Variants in KDM4C observed in about 807,000 individuals in gnomAD.
The protein encoded by KDM4C is lysine-specific demethylase 4C.
Under a neutral mutation model 129.3 loss-of-function variants are expected in KDM4C, and 81 were observed. The observed-to-expected ratio is 0.63, with a 90% CI of 0.52 to 0.75. The LOEUF (loss-of-function observed/expected upper bound fraction) is 0.75, where lower values mean the gene tolerates loss of function less well. Among genes scored for constraint, KDM4C ranks in the 30% least tolerant of loss-of-function variants. The probability of loss-of-function intolerance (pLI) is 0.00; values close to 1 mark genes in which losing one functional copy is unlikely to be tolerated. For missense variants in KDM4C, 1,457 were observed against 1,304.0 expected, an observed-to-expected ratio of 1.12 and a Z score of -1.81; for synonymous variants, 573 against 456.1, an observed-to-expected ratio of 1.26 and a Z score of -3.26.
Position 6,856,256 on chromosome 9 carries a change from A to G in KDM4C, c.629+6556A>G, listed in dbSNP as rs182218429. Among the ~76,000 whole-genome samples the G allele has an allele frequency of 2.6e-5, 4 of 151,326 alleles. No individual in the cohort carries two copies. In the East Asian group the frequency reaches 5.8e-4, roughly 22 times the overall value. On this transcript the variant is annotated intron_variant, in intron 5 of 21. Transcript: ENST00000381309. ...ATTGAATTAGCAGCCCATGGTAATA[A>G]CTCATACTTGTTAATTTTTCTATTT...
intron 1 of KDM4C, among the ~76,000 whole-genome samples, chr9:6,731,325 C>CTTTTTTTTTTTTTTT (rs34724329): frequency 2.6e-5 from 3 of 114,050 alleles, no homozygotes; most frequent in Non-Finnish European, 3.5e-5. Context: ...TTTTTTTTTG[C>CTTTTTTTTTTTTTTT]TTTTTTTTTT....
chr9:7,018,936 G>A (rs1454990878), intron 15 of KDM4C, among the ~76,000 whole-genome samples: 1 of 152,058 alleles, frequency 6.6e-6, no homozygotes, highest in African/African-American at 2.4e-5. Flanking sequence ...AGTTGAACTG[G>A]GAACTCTTGA....
At chr9:7,047,359 T>C (rs1829550829) in intron 16 of KDM4C, among the ~76,000 whole-genome samples, 1 of 152,062 alleles carries the variant, frequency 6.6e-6, no homozygotes, top group Admixed American at 6.6e-5. Flanking sequence ...AGCAAATTTA[T>C]GAGAATGTAA....
chr9:6,796,147 A>G (rs955836329), intron 2 of KDM4C, among the ~76,000 whole-genome samples: 75 of 152,090 alleles, frequency 4.9e-4, no homozygotes, highest in African/African-American at 1.7e-3. Flanking sequence ...TAGCTCATCA[A>G]AAAAAAATCT....
chr9:7,110,862 A>G (rs1838244031), intron 18 of KDM4C, among the ~76,000 whole-genome samples: 1 of 152,224 alleles, frequency 6.6e-6, no homozygotes, highest in Admixed American at 6.5e-5. Context: ...CTGATAACTA[A>G]TATGGCAACT....
intron 15 of KDM4C, among the ~76,000 whole-genome samples, chr9:7,019,910 G>C (rs1056097439): frequency 6.6e-6 from 1 of 151,510 alleles, no homozygotes; most frequent in Admixed American, 6.6e-5. Flanking sequence ...GAGGGTGTAC[G>C]CATGGCTGGA....
In KDM4C at chr9:7,038,190, G is replaced by T. The variant is rs187523472; in HGVS notation, c.2260-8672G>T. On this transcript the variant is annotated intron_variant, in intron 15 of 21. Coordinates refer to ENST00000381309, the MANE Select transcript of KDM4C (RefSeq NM_015061.6). ...ATTAATTTTAAATTGTACGTTTCTT[G>T]TAAAAAGGTTTAATTTCTTTATGTG... Among the ~76,000 whole-genome samples the T allele has an allele frequency of 5.9e-4, 89 of 152,110 alleles. 1 individual carries two copies. The highest frequency in any genetic ancestry group is 3.4e-3 in the Admixed American group (52 of 15,268).
At chr9:6,959,952 G>A (rs373320962) in intron 8 of KDM4C, among the ~76,000 whole-genome samples, 2 of 152,022 alleles carry the variant, frequency 1.3e-5, no homozygotes, top group African/African-American at 4.8e-5. Context: ...GGCCTCTGCT[G>A]CCATACTAAC....
chr9:6,788,579 G>T (rs1397361561), intron 1 of KDM4C, among the ~76,000 whole-genome samples: 2 of 152,184 alleles, frequency 1.3e-5, no homozygotes, highest in African/African-American at 2.4e-5. Context: ...GTATCATTAT[G>T]TAAATATGTT....
At chr9:6,825,027 T>G (rs558815514) in intron 4 of KDM4C, among the ~76,000 whole-genome samples, 1 of 151,430 alleles carries the variant, frequency 6.6e-6, no homozygotes, top group East Asian at 1.9e-4. Flanking sequence ...GCACCTGTAG[T>G]CCCAGCTACC....
intron 17 of KDM4C, among the ~76,000 whole-genome samples, chr9:7,101,705 G>A (rs1260406975): frequency 6.6e-6 from 1 of 152,188 alleles, no homozygotes; most frequent in Admixed American, 6.5e-5. Flanking sequence ...GTTTAATGAA[G>A]TTAATGGTGA....
intron 3 of KDM4C, among the ~76,000 whole-genome samples, chr9:6,809,990 GA>G (rs1830841974): frequency 6.6e-6 from 1 of 151,704 alleles, no homozygotes; most frequent in South Asian, 2.1e-4. Flanking sequence ...ACCCTGTCTT[GA>G]AAAAAATAAA....
chr9:6,774,818 G>C (rs1215661222), intron 1 of KDM4C, among the ~76,000 whole-genome samples: 1 of 152,160 alleles, frequency 6.6e-6, no homozygotes, highest in Non-Finnish European at 1.5e-5. Flanking sequence ...ATCACTGTAT[G>C]TTTCTCTTCT....
chr9:7,155,857 C>G (rs1425245065), intron 19 of KDM4C, among the ~76,000 whole-genome samples: 1 of 152,188 alleles, frequency 6.6e-6, no homozygotes, highest in Non-Finnish European at 1.5e-5. Context: ...GATTTATAAT[C>G]CTTTGGGAAT....
Position 6,944,652 on chromosome 9 carries a change from G to GTTTTTTTTGTT in KDM4C, c.922-36265_922-36264insGTTTTTTTTTT, listed in dbSNP as rs1826561504. Among the ~76,000 whole-genome samples the GTTTTTTTTGTT allele has an allele frequency of 6.2e-5, 5 of 80,990 alleles. 2 individuals are homozygous for GTTTTTTTTGTT. The highest frequency in any genetic ancestry group is 2.3e-4 in the African/African-American group (5 of 21,440). The allele number at this position is 80,990 out of a possible 152,430, so 53.1% of individuals were successfully genotyped here. On this transcript the variant is annotated intron_variant, in intron 8 of 21. Coordinates refer to ENST00000381309, the MANE Select transcript of KDM4C (RefSeq NM_015061.6). Reference sequence around the variant, plus strand: ...CAACACACTTTTTGTCAAGGTAGAGGTTTTTTTTTTTTTTTTTTTTTTGCC... The same window carrying GTTTTTTTTGTT: ...CAACACACTTTTTGTCAAGGTAGAGGTTTTTTTTGTTTTTTTTTTTTTTTTTTTTTTTTGCC...
At chr9:7,018,338 A>G (rs186595692) in intron 15 of KDM4C, among the ~76,000 whole-genome samples, 31 of 152,330 alleles carry the variant, frequency 2.0e-4, no homozygotes, top group African/African-American at 7.0e-4. Flanking sequence ...TCTTTGACCA[A>G]AATGTCTTTA....
chr9:7,106,542 C>G (rs1837706974), intron 18 of KDM4C, among the ~76,000 whole-genome samples: 2 of 152,196 alleles, frequency 1.3e-5, no homozygotes, highest in African/African-American at 4.8e-5. Flanking sequence ...CATTTTTACT[C>G]ACTTTAGGGT....
chr9:7,024,382 G>T (rs1825427220), intron 15 of KDM4C, among the ~76,000 whole-genome samples: 1 of 147,696 alleles, frequency 6.8e-6, no homozygotes, highest in African/African-American at 2.5e-5. Flanking sequence ...TGTGCACAAT[G>T]TGAGGTTTGT....
chr9:6,926,907 C>T (rs7044390), intron 8 of KDM4C, among the ~76,000 whole-genome samples: 3 of 151,860 alleles, frequency 2.0e-5, no homozygotes, highest in East Asian at 3.8e-4. Flanking sequence ...ATAAACATGT[C>T]GAAGCTATTG....
Sources: gnomAD v4.1 joint callset for allele counts (sites outside exome capture counted in the v4.1 genomes callset) on GRCh38, gnomAD v4.1.1 for gene constraint, MANE v1.5 for transcripts, NCBI Gene and HGNC (gene_info 2026-07-23, HGNC 2026-07-21) for gene names.